Variants in RAPGEF1 observed in about 807,000 individuals in gnomAD.
The protein encoded by RAPGEF1 is CRK SH3-binding GNRP.
In RAPGEF1, 33 loss-of-function variants were observed where a neutral mutation model predicts 143.3. The observed-to-expected ratio is 0.23, with a 90% CI of 0.17 to 0.31. The LOEUF (loss-of-function observed/expected upper bound fraction) is 0.31, where lower values mean the gene tolerates loss of function less well. Ranked by LOEUF, RAPGEF1 falls within the 10% of genes least tolerant of loss-of-function variation. The probability of loss-of-function intolerance (pLI) is 1.00; values close to 1 mark genes in which losing one functional copy is unlikely to be tolerated. For missense variants in RAPGEF1, 1,199 were observed against 1,645.4 expected (o/e 0.73, Z 4.69); for synonymous variants, 629 against 676.5 (o/e 0.93, Z 1.09).
chr9:131,627,833 C>T, intron 9 of RAPGEF1, 80 bp downstream of exon 9: 1 of 1,444,426 alleles, frequency 6.9e-7, no homozygotes, highest in South Asian at 1.2e-5. Context: ...ATTGCATGAC[C>T]TGGGACTCCC....
rs1209722530 is a variant in RAPGEF1, at chr9:131,589,003, C to T, written c.2868-17G>A. The T allele has an allele frequency of 1.2e-5, 20 of 1,609,060 alleles. No individual in the cohort carries two copies. Among genetic ancestry groups the T allele is most frequent in the South Asian group, 4.4e-5 (4 of 90,598 alleles). On this transcript the variant is annotated splice_polypyrimidine_tract_variant and intron_variant, in intron 19 of 26. Coordinates refer to ENST00000683357, the MANE Select transcript of RAPGEF1 (RefSeq NM_001377935.1). ...TCCACCAGGCTGAAGGACAAAAGAG[C>T]ACAAGGTGAGGAGCAGGAACGCAAG...
At chr9:131,679,187 G>A (rs1457722029) in intron 1 of RAPGEF1, among the ~76,000 whole-genome samples, 1 of 152,092 alleles carries the variant, frequency 6.6e-6, no homozygotes, top group Admixed American at 6.5e-5. Flanking sequence ...ACAAGCAGCT[G>A]TACAAAGGAT....
chr9:131,726,279 G>A (rs1836662781), intron 1 of RAPGEF1, among the ~76,000 whole-genome samples: 1 of 152,124 alleles, frequency 6.6e-6, no homozygotes. Flanking sequence ...ACACTTTATG[G>A]TTGTACTTAC....
intron 12 of RAPGEF1, among the ~76,000 whole-genome samples, chr9:131,616,517 ACTT>A (rs1161542424): frequency 6.6e-6 from 1 of 152,098 alleles, no homozygotes; most frequent in African/African-American, 2.4e-5. Context: ...GAATGAGAAT[ACTT>A]CTCAGTATCC....
intron 1 of RAPGEF1, among the ~76,000 whole-genome samples, chr9:131,674,933 G>T (rs1184419414): frequency 6.6e-6 from 1 of 152,066 alleles, no homozygotes; most frequent in Non-Finnish European, 1.5e-5. Context: ...AGGGGTGGGG[G>T]TGGCCTCCCC....
chr9:131,711,541 G>A (rs376981644), intron 1 of RAPGEF1, among the ~76,000 whole-genome samples: 205 of 151,540 alleles, frequency 1.4e-3, no homozygotes, highest in African/African-American at 4.4e-3. Context: ...ATTTTTAGTC[G>A]AGATGGGGGA....
intron 12 of RAPGEF1, among the ~76,000 whole-genome samples, chr9:131,609,892 T>A (rs986719595): frequency 5.9e-5 from 9 of 152,150 alleles, no homozygotes; most frequent in African/African-American, 2.2e-4. Context: ...GCAGGAAAGA[T>A]CTTTTTCTTC....
chr9:131,722,592 G>A (rs374631633), intron 1 of RAPGEF1, among the ~76,000 whole-genome samples: 230 of 152,326 alleles, frequency 1.5e-3, no homozygotes, highest in African/African-American at 5.3e-3. Flanking sequence ...GACTTCCATC[G>A]GCCCCTGATG....
chr9:131,608,833 C>T (rs1382314101), intron 12 of RAPGEF1, among the ~76,000 whole-genome samples: 2 of 152,178 alleles, frequency 1.3e-5, no homozygotes, highest in African/African-American at 4.8e-5. Flanking sequence ...CTACCGATTC[C>T]CCAGAGCAAT....
chr9:131,721,783 T>G (rs1426989343), intron 1 of RAPGEF1, among the ~76,000 whole-genome samples: 1 of 152,178 alleles, frequency 6.6e-6, no homozygotes, highest in Middle Eastern at 3.2e-3. Flanking sequence ...CTAAGTAAGA[T>G]GGTATAGCAC....
At chr9:131,624,528 G>T (rs1564553581) in intron 10 of RAPGEF1, among the ~76,000 whole-genome samples, 1 of 152,336 alleles carries the variant, frequency 6.6e-6, no homozygotes, top group East Asian at 1.9e-4. Flanking sequence ...TGTTCTAGGA[G>T]CTGGAAGGGT....
At chr9:131,727,947 T>C (rs1264350348) in intron 1 of RAPGEF1, among the ~76,000 whole-genome samples, 1 of 152,204 alleles carries the variant, frequency 6.6e-6, no homozygotes, top group Non-Finnish European at 1.5e-5. Flanking sequence ...AGTGTGGTTA[T>C]GCTAATTGAG....
chr9:131,638,099 T>A (rs1966833886), intron 5 of RAPGEF1, among the ~76,000 whole-genome samples: 1 of 152,264 alleles, frequency 6.6e-6, no homozygotes, highest in Admixed American at 6.5e-5. Context: ...ATTCCAGACC[T>A]TCTATGGCCT....
chr9:131,724,150 T>C (rs1313739563), intron 1 of RAPGEF1, among the ~76,000 whole-genome samples: 4 of 152,208 alleles, frequency 2.6e-5, no homozygotes, highest in African/African-American at 9.6e-5. Context: ...CTGTAGATCT[T>C]CATCCTCACT....
intron 1 of RAPGEF1, among the ~76,000 whole-genome samples, chr9:131,724,686 T>C (rs888426464): frequency 1.3e-5 from 2 of 152,172 alleles, no homozygotes; most frequent in Non-Finnish European, 2.9e-5. Flanking sequence ...CTAAAGATGA[T>C]TAAGGAACTT....
chr9:131,589,308 G>T (rs978368393), intron 19 of RAPGEF1, among the ~76,000 whole-genome samples: 1 of 152,194 alleles, frequency 6.6e-6, no homozygotes, highest in African/African-American at 2.4e-5. Context: ...CTCCCATTGG[G>T]CAATGAGACA....
chr9:131,691,802 T>C, intron 1 of RAPGEF1, among the ~76,000 whole-genome samples: 1 of 152,214 alleles, frequency 6.6e-6, no homozygotes, highest in South Asian at 2.1e-4. Flanking sequence ...AATAAAATGA[T>C]AAATAACAAT....
In RAPGEF1 at chr9:131,584,554, C is replaced by T. The variant is rs952171691; in HGVS notation, c.3276G>A (p.Arg1092=). Residue 1092 remains arginine (R), a synonymous_variant, in exon 23 of 27, where the codon AGG becomes AGA. Coordinates refer to ENST00000683357, the MANE Select transcript of RAPGEF1 (RefSeq NM_001377935.1). This position sits in a 1 kb window ranked among gnomAD's most constrained non-coding sequence, Gnocchi z 6.8. ...IIMLQEKAQD[R]ERLLLKFIKI... ...TGATGAACTTCAAGAGCAGCCGTTC[C>T]CTGTCCTGGGCCTTTTCCTGTAACA... 2 of 1,614,042 alleles carry T rather than the reference C, an allele frequency of 1.2e-6. No homozygotes were observed. The highest frequency in any genetic ancestry group is 3.3e-5 in the Admixed American group (2 of 60,030).
In RAPGEF1 at chr9:131,625,293, G is replaced by C. The variant is rs938258530; in HGVS notation, c.1702+629C>G. Among the ~76,000 whole-genome samples the C allele has an allele frequency of 1.1e-4, 16 of 152,292 alleles. No individual in the cohort carries two copies. The East Asian group carries it at 1.2e-3, about 11-fold the overall frequency. On this transcript the variant is annotated intron_variant, in intron 10 of 26. Coordinates refer to ENST00000683357, the MANE Select transcript of RAPGEF1 (RefSeq NM_001377935.1). The stretch of plus-strand genomic sequence containing the variant: ...CAGTTAGGGGAGCTAGGAGAAAACC[G>C]AATTTCCAGGAGAACTCTCCTTATT...
Sources: allele counts gnomAD v4.1 joint callset (sites outside exome capture counted in the v4.1 genomes callset), GRCh38; gene constraint gnomAD v4.1.1; non-coding constraint Gnocchi (gnomAD v3.1); transcripts MANE v1.5; gene names NCBI Gene and HGNC (gene_info 2026-07-23, HGNC 2026-07-21).